CTDSPL: variants seen among roughly 807,000 people sequenced by gnomAD.
CTDSPL encodes the protein CTD small phosphatase-like protein.
Under a neutral mutation model 30.5 loss-of-function variants are expected in CTDSPL, and 8 were observed. The observed-to-expected ratio is 0.26, with a 90% CI of 0.15 to 0.47. The LOEUF is 0.47. CTDSPL is among the 20% of genes least tolerant of loss of function. The pLI is 0.99. For missense variants in CTDSPL, 248 were observed against 366.1 expected (o/e 0.68, Z 2.63); for synonymous variants, 110 against 137.9 (o/e 0.80, Z 1.42).
intron 1 of CTDSPL, among the ~76,000 whole-genome samples, chr3:37,899,924 A>G (rs1698430128): frequency 6.6e-6 from 1 of 152,196 alleles, no homozygotes; most frequent in Non-Finnish European, 1.5e-5. Context: ...GGAGATAATA[A>G]TGGTACCTAC....
chr3:37,956,842 A>G (rs537895033), intron 2 of CTDSPL, among the ~76,000 whole-genome samples: 1 of 152,332 alleles, frequency 6.6e-6, no homozygotes, highest in East Asian at 1.9e-4. Flanking sequence ...TCCTGGGAGT[A>G]AGGGAGGTGC....
chr3:37,942,007 A>G (rs562722575), intron 1 of CTDSPL, among the ~76,000 whole-genome samples: 1 of 150,284 alleles, frequency 6.7e-6, no homozygotes, highest in South Asian at 2.2e-4. Context: ...GGGAGAGTGT[A>G]TGCTTCCTGA....
chr3:37,909,375 C>A (rs1698554396), intron 1 of CTDSPL, among the ~76,000 whole-genome samples: 1 of 152,204 alleles, frequency 6.6e-6, no homozygotes, highest in South Asian at 2.1e-4. Flanking sequence ...GGTGCTCTTC[C>A]CAGATCCTAG....
chr3:37,946,974 C>T, intron 1 of CTDSPL, 83 bp from the exon 2 acceptor site: 1 of 1,450,640 alleles, frequency 6.9e-7, no homozygotes, highest in Non-Finnish European at 9.2e-7. Flanking sequence ...TGGGGGGCAA[C>T]TGCACACTCA....
chr3:37,942,857 C>A lies in CTDSPL; in HGVS notation c.80-4200C>A, dbSNP rs1698993609. 1.3e-5 allele frequency among the ~76,000 whole-genome samples: 2 copies of A among 150,128 alleles called. 1 individual carries two copies. Among genetic ancestry groups the A allele is most frequent in the Non-Finnish European group, 3.0e-5 (2 of 67,006 alleles). ...CACCTAGGCAAGTTGGCATTGGAGC[C>A]CACATTCCTAACCACCACACATTTT... is the stretch of plus-strand genomic sequence containing the variant. On this transcript the variant is annotated intron_variant, in intron 1 of 7. Coordinates refer to ENST00000273179, the MANE Select transcript of CTDSPL (RefSeq NM_001008392.2).
At chr3:37,865,779 A>G (rs1411673653) in intron 1 of CTDSPL, among the ~76,000 whole-genome samples, 3 of 152,174 alleles carry the variant, frequency 2.0e-5, no homozygotes, top group Non-Finnish European at 4.4e-5. Flanking sequence ...AGTCTTGTGT[A>G]TTCCTTTTAC....
At chr3:37,974,007 G>C (rs1699396932) in intron 6 of CTDSPL, among the ~76,000 whole-genome samples, 1 of 152,234 alleles carries the variant, frequency 6.6e-6, no homozygotes, top group African/African-American at 2.4e-5. Flanking sequence ...TTTAGACGTG[G>C]CCCAACACAA....
In CTDSPL at chr3:37,969,339, T is replaced by C. The variant is rs1458215106; in HGVS notation, c.426+1457T>C. 1.0e-5 allele frequency: 5 copies of C among 485,158 alleles called. No individual in the cohort carries two copies. The East Asian group carries it at 3.1e-4, about 30-fold the overall frequency. 30.1% of individuals were successfully genotyped at this position (485,158 alleles called of 1,614,324 possible). A position where few individuals can be genotyped will look rare whatever the true frequency, so the allele number is the denominator to read the frequency against. On this transcript the variant is annotated intron_variant, in intron 5 of 7. Coordinates refer to ENST00000273179, the MANE Select transcript of CTDSPL (RefSeq NM_001008392.2). The stretch of plus-strand genomic sequence containing the variant: ...AAGGTCCCAGGGCTGGGGTCAGAAA[T>C]TCTCTCCCGAGGGAATGAAGCCACA...
intron 6 of CTDSPL, among the ~76,000 whole-genome samples, chr3:37,973,859 A>G (rs1378949063): frequency 1.3e-5 from 2 of 152,226 alleles, no homozygotes; most frequent in African/African-American, 4.8e-5. Context: ...TAAGGCCTGG[A>G]GGCCTCAGAC....
intron 1 of CTDSPL, among the ~76,000 whole-genome samples, chr3:37,865,805 G>A (rs1423660401): frequency 6.6e-6 from 1 of 152,088 alleles, no homozygotes; most frequent in African/African-American, 2.4e-5. Flanking sequence ...AAGCAGAAAC[G>A]CAAAAACATT....
intron 1 of CTDSPL, among the ~76,000 whole-genome samples, chr3:37,925,910 A>G (rs369442610): frequency 6.6e-6 from 1 of 152,076 alleles, no homozygotes; most frequent in Admixed American, 6.5e-5. Context: ...ACAATACTTA[A>G]CACTGTGTGA....
intron 1 of CTDSPL, among the ~76,000 whole-genome samples, chr3:37,864,603 G>A (rs951180321): frequency 2.0e-5 from 3 of 151,924 alleles, no homozygotes; most frequent in African/African-American, 7.3e-5. Flanking sequence ...CTATAATGTC[G>A]CAATAAACTC....
chr3:37,936,643 T>A (rs1401329148), intron 1 of CTDSPL, among the ~76,000 whole-genome samples: 1 of 119,474 alleles, frequency 8.4e-6, no homozygotes, highest in Admixed American at 1.0e-4. Context: ...AAAGAGTTCC[T>A]CCTCTCCCCA....
chr3:37,891,091 C>G (rs1054088312), intron 1 of CTDSPL, among the ~76,000 whole-genome samples: 3 of 152,180 alleles, frequency 2.0e-5, no homozygotes, highest in African/African-American at 7.2e-5. Flanking sequence ...CATGCCTACC[C>G]TGTTCCATGC....
At chr3:37,979,910 T>C (rs1024682084) in intron 7 of CTDSPL, among the ~76,000 whole-genome samples, 1 of 152,228 alleles carries the variant, frequency 6.6e-6, no homozygotes, top group Admixed American at 6.5e-5. Context: ...ATCAAAACTA[T>C]AAATAAAGAC....
At chr3:37,930,286 G>C (rs894273634) in intron 1 of CTDSPL, among the ~76,000 whole-genome samples, 1 of 151,376 alleles carries the variant, frequency 6.6e-6, no homozygotes, top group African/African-American at 2.4e-5. Flanking sequence ...TTAGATACAG[G>C]GTTTCACTCT....
At chr3:37,921,201 A>G (rs1006569502) in intron 1 of CTDSPL, among the ~76,000 whole-genome samples, 1 of 152,194 alleles carries the variant, frequency 6.6e-6, no homozygotes, top group Non-Finnish European at 1.5e-5. Flanking sequence ...CCCCCCAGGT[A>G]ACAGAGTCTA....
At chr3:37,946,629 A>G (rs994045307) in intron 1 of CTDSPL, among the ~76,000 whole-genome samples, 14 of 152,214 alleles carry the variant, frequency 9.2e-5, no homozygotes, top group East Asian at 5.8e-4. Context: ...ATTTGTTGGT[A>G]TCCATAATGG....
chr3:37,870,195 G>A (rs1698056762), intron 1 of CTDSPL, among the ~76,000 whole-genome samples: 1 of 152,008 alleles, frequency 6.6e-6, no homozygotes, highest in East Asian at 1.9e-4. Flanking sequence ...GAGGGATGGG[G>A]GTTGGGGGGA....
Sources: allele counts gnomAD v4.1 joint callset (sites outside exome capture counted in the v4.1 genomes callset), GRCh38; gene constraint gnomAD v4.1.1; transcripts MANE v1.5; gene names NCBI Gene and HGNC (gene_info 2026-07-23, HGNC 2026-07-21).